Variants in N4BP1 observed in about 807,000 individuals in gnomAD.
N4BP1 encodes the protein NEDD4-binding protein 1.
N4BP1 carries 21 observed loss-of-function variants against 70.9 expected under a neutral mutation model. The ratio of observed to expected loss-of-function variants is 0.30; its 90% confidence interval spans 0.21 to 0.43. The LOEUF is 0.43. Ranked by LOEUF, N4BP1 falls within the 20% of genes least tolerant of loss-of-function variation. N4BP1 has a pLI of 1.00. For synonymous variants in N4BP1, 387 were observed against 394.6 expected, an observed-to-expected ratio of 0.98 and a Z score of 0.23; for missense variants, 936 against 1,069.4, an observed-to-expected ratio of 0.88 and a Z score of 1.74.
chr16:48,608,473 G>C (rs150124862), intron 1 of N4BP1, among the ~76,000 whole-genome samples: 8 of 152,266 alleles, frequency 5.3e-5, no homozygotes, highest in African/African-American at 1.9e-4. Flanking sequence ...GATGCAAAAA[G>C]AGGGCCCTTC....
At chr16:48,592,461 T>C (rs1964352629) in intron 1 of N4BP1, among the ~76,000 whole-genome samples, 2 of 152,240 alleles carry the variant, frequency 1.3e-5, no homozygotes, top group Admixed American at 6.5e-5. Flanking sequence ...TGAAGGGCTC[T>C]GCCCTGAAGC....
chr16:48,551,616 A>C (rs1963666722), intron 3 of N4BP1, 134 bp from the exon 4 acceptor site: 3 of 559,194 alleles, frequency 5.4e-6, no homozygotes, highest in East Asian at 3.1e-5. Flanking sequence ...CAATTTTACT[A>C]ACTCACTAGG....
chr16:48,551,315 G>T (rs1963662506), intron 4 of N4BP1, 71 bp downstream of exon 4: 3 of 1,163,024 alleles, frequency 2.6e-6, no homozygotes, highest in Non-Finnish European at 3.9e-6. Flanking sequence ...GTGTGGACCT[G>T]TCCAGCAGAG....
chr16:48,580,252 T>G (rs1194855717), intron 1 of N4BP1, among the ~76,000 whole-genome samples: 1 of 152,046 alleles, frequency 6.6e-6, no homozygotes, highest in African/African-American at 2.4e-5. Flanking sequence ...AAAGTAGATA[T>G]GACAACTGAT....
intron 1 of N4BP1, among the ~76,000 whole-genome samples, chr16:48,567,366 G>A (rs1025725476): frequency 6.6e-6 from 1 of 152,154 alleles, no homozygotes; most frequent in African/African-American, 2.4e-5. Context: ...CCAGGCTTGA[G>A]TGCAGTGGCA....
At chr16:48,552,625 G>A (rs1327050624) in intron 3 of N4BP1, among the ~76,000 whole-genome samples, 2 of 142,512 alleles carry the variant, frequency 1.4e-5, no homozygotes, top group Non-Finnish European at 3.0e-5. Flanking sequence ...TTGAACCCAG[G>A]AGGCAGAGGT....
chr16:48,561,088 G>A lies in N4BP1; in HGVS notation c.1555C>T (p.Pro519Ser). The change falls in exon 2 of 7, where the codon CCA (proline) becomes TCA (serine). Residue 519 changes from proline (P) to serine (S), a missense_variant. Around this residue, in one of 4 missense-constraint regions of N4BP1, gnomAD observed 515 missense variants for 491.7 expected, o/e 1.05. Coordinates refer to ENST00000262384, the MANE Select transcript of N4BP1 (RefSeq NM_153029.4). ...TGTAAACCATTTTCAGGAAAAAGTG[G>A]AACTCTGGGCTGGTGACTTGAAGCT... ...RGASSHQPRV[P>S]LFPENGLHQQ... 4 of 1,613,968 alleles carry A rather than the reference G, an allele frequency of 2.5e-6. No individual in the cohort carries two copies. Among genetic ancestry groups the A allele is most frequent in the East Asian group, 2.2e-5 (1 of 44,886 alleles).
chr16:48,603,036 C>A (rs918365462), intron 1 of N4BP1, among the ~76,000 whole-genome samples: 8 of 152,026 alleles, frequency 5.3e-5, no homozygotes, highest in Non-Finnish European at 8.8e-5. Context: ...AGGTACCAGG[C>A]TCTTCTAACT....
intron 2 of N4BP1, 83 bp from the exon 3 acceptor site, chr16:48,553,752 C>T (rs942793922): frequency 1.8e-6 from 2 of 1,138,372 alleles, no homozygotes; most frequent in African/African-American, 3.2e-5. Context: ...AGTTAACATA[C>T]ACATACAACA....
chr16:48,579,383 ATGGCCT>A (rs1964144873), intron 1 of N4BP1, among the ~76,000 whole-genome samples: 1 of 152,198 alleles, frequency 6.6e-6, no homozygotes, highest in South Asian at 2.1e-4. Flanking sequence ...AGGGAAAAGA[ATGGCCT>A]TTCAAATATA....
intron 1 of N4BP1, among the ~76,000 whole-genome samples, chr16:48,604,556 C>A (rs1964548237): frequency 7.4e-6 from 1 of 135,554 alleles, no homozygotes; most frequent in African/African-American, 3.1e-5. Flanking sequence ...GTCCAAAGCT[C>A]AGGTCAAAAA....
At chr16:48,575,616 T>C (rs1260258926) in intron 1 of N4BP1, among the ~76,000 whole-genome samples, 2 of 152,152 alleles carry the variant, frequency 1.3e-5, no homozygotes, top group African/African-American at 4.8e-5. Context: ...ACACCACTAC[T>C]CAGCATCTTG....
At chr16:48,607,389 G>A (rs1964599882) in intron 1 of N4BP1, among the ~76,000 whole-genome samples, 1 of 152,224 alleles carries the variant, frequency 6.6e-6, no homozygotes, top group Admixed American at 6.5e-5. Context: ...GCTGAAAGGT[G>A]CTAAACCAGA....
At chr16:48,564,019 G>GT (rs1963901272) in intron 1 of N4BP1, among the ~76,000 whole-genome samples, 1 of 152,278 alleles carries the variant, frequency 6.6e-6, no homozygotes, top group African/African-American at 2.4e-5. Context: ...CTGTAATTTT[G>GT]TATCTATTAA....
chr16:48,597,991 A>C (rs562173860), intron 1 of N4BP1, among the ~76,000 whole-genome samples: 73 of 152,356 alleles, frequency 4.8e-4, no homozygotes, highest in Non-Finnish European at 9.1e-4. Flanking sequence ...TCCTGAGCAA[A>C]CAGCCAGGCT....
intron 1 of N4BP1, among the ~76,000 whole-genome samples, chr16:48,607,445 AGAG>A (rs920522278): frequency 6.6e-6 from 1 of 152,210 alleles, no homozygotes; most frequent in Admixed American, 6.5e-5. Flanking sequence ...TTTGTAAGTC[AGAG>A]GAGGAGTTTA....
chr16:48,609,767 G>A lies in N4BP1; in HGVS notation c.198+8C>T. The A allele has an allele frequency of 4.4e-6, 6 of 1,374,394 alleles. No homozygotes were observed. The highest frequency in any genetic ancestry group is 3.2e-5 in the East Asian group (1 of 31,738). The allele number at this position is 1,374,394 out of a possible 1,614,324, so 85.1% of individuals were successfully genotyped here. ...CCGCGGGCGCGCGGGGGCGGCGGCCGGACTCACCTTGGCGCTGTGCACCGC... is the reference window on the plus strand; with the variant it reads ...CCGCGGGCGCGCGGGGGCGGCGGCCAGACTCACCTTGGCGCTGTGCACCGC... On this transcript the variant is annotated splice_region_variant and intron_variant, in intron 1 of 6. Transcript: ENST00000262384.
In N4BP1 at chr16:48,561,062, G is replaced by A. The variant is rs1382457041; in HGVS notation, c.1581C>T (p.His527=). 2 of 1,613,980 alleles carry A rather than the reference G, an allele frequency of 1.2e-6. No homozygotes were observed. Among genetic ancestry groups the A allele is most frequent in the East Asian group, 2.2e-5 (1 of 44,884 alleles). Residue 527 remains histidine, a synonymous_variant, in exon 2 of 7, where the codon CAC becomes CAT. Transcript: ENST00000262384. ...TTGGAAGCAAGGGTTCTGGCTGCTG[G>A]TGTAAACCATTTTCAGGAAAAAGTG... The part of the protein sequence containing the change: ...RVPLFPENGL[H]QQPEPLLPNN...
intron 1 of N4BP1, chr16:48,600,710 A>G (rs1964482891): frequency 2.7e-6 from 1 of 368,034 alleles, no homozygotes; most frequent in African/African-American, 2.1e-5. Flanking sequence ...GAGACTTGGA[A>G]CTGCTAAATT....
Sources: gnomAD v4.1 joint callset for allele counts (sites outside exome capture counted in the v4.1 genomes callset) on GRCh38, gnomAD v4.1.1 for gene constraint, gnomAD v4.1.1 regional missense constraint, MANE v1.5 for transcripts, NCBI Gene and HGNC (gene_info 2026-07-23, HGNC 2026-07-21) for gene names.